PLB1: variants seen among roughly 807,000 people sequenced by gnomAD.
PLB1 encodes the protein phospholipase B1, membrane-associated.
PLB1 carries 242 observed loss-of-function variants against 227.4 expected under a neutral mutation model. That is an observed-to-expected ratio of 1.06 (90% CI 0.96 to 1.18). PLB1 has a LOEUF of 1.18. Among genes scored for constraint, PLB1 ranks in the 50% most tolerant of loss-of-function variants. The pLI is 0.00. For synonymous variants in PLB1, 757 were observed against 682.2 expected (o/e 1.11, Z -1.71); for missense variants, 1,858 against 1,816.3 (o/e 1.02, Z -0.42).
intron 50 of PLB1, 64 bp from the exon 51 acceptor site, chr2:28,626,364 C>G: frequency 7.0e-7 from 1 of 1,418,672 alleles, no homozygotes; most frequent in South Asian, 1.1e-5. Flanking sequence ...GCGGGCTGGC[C>G]CAGTAGCAAC....
chr2:28,630,726 G>A, intron 54 of PLB1, 62 bp downstream of exon 54: 1 of 1,399,920 alleles, frequency 7.1e-7, no homozygotes, highest in South Asian at 1.3e-5. Context: ...TCCAAGGACT[G>A]GGAAATCGAA....
rs182197511 is a variant in PLB1, at chr2:28,536,140, C to G, written c.556-2179C>G. On this transcript the variant is annotated intron_variant, in intron 9 of 57. Transcript: ENST00000327757. ...CCCAACTTAGGACCTGAATTCTCTT[C>G]CCCTGTGGAGACCTTTGGGCTCATT... Among the ~76,000 whole-genome samples, 167 of 152,314 alleles carry G rather than the reference C, an allele frequency of 1.1e-3. 1 individual carries two copies. The highest frequency in any genetic ancestry group is 3.8e-3 in the African/African-American group (158 of 41,558).
At chr2:28,607,250 T>G (rs1684814441) in intron 43 of PLB1, among the ~76,000 whole-genome samples, 1 of 152,166 alleles carries the variant, frequency 6.6e-6, no homozygotes, top group Admixed American at 6.5e-5. Flanking sequence ...CAGAAAACCC[T>G]CAGCAGCAAT....
intron 17 of PLB1, among the ~76,000 whole-genome samples, chr2:28,559,227 G>A (rs1484276253): frequency 6.6e-6 from 1 of 152,182 alleles, no homozygotes; most frequent in Non-Finnish European, 1.5e-5. Flanking sequence ...TACCCAGACT[G>A]GACTGGCAGC....
At chr2:28,532,905 A>G (rs1671210820) in intron 9 of PLB1, among the ~76,000 whole-genome samples, 1 of 152,162 alleles carries the variant, frequency 6.6e-6, no homozygotes, top group Non-Finnish European at 1.5e-5. Flanking sequence ...TTAAGTCTTT[A>G]TTGAAGATCA....
intron 6 of PLB1, among the ~76,000 whole-genome samples, chr2:28,528,585 G>T (rs1220010036): frequency 3.9e-5 from 6 of 152,330 alleles, no homozygotes; most frequent in African/African-American, 1.4e-4. Context: ...TGGTGTCCCA[G>T]AACTCTGGTT....
At chr2:28,627,644 G>T (rs563781807) in intron 51 of PLB1, among the ~76,000 whole-genome samples, 1 of 152,316 alleles carries the variant, frequency 6.6e-6, no homozygotes, top group South Asian at 2.1e-4. Flanking sequence ...TACCCCTTCT[G>T]GTGGCTGTGG....
intron 55 of PLB1, 31 bp downstream of exon 55, chr2:28,632,171 G>T (rs1167859222): frequency 6.5e-7 from 1 of 1,532,326 alleles, no homozygotes. Flanking sequence ...GGAGGCTCAC[G>T]TATGGGGGCC....
chr2:28,550,044 A>G lies in PLB1; in HGVS notation c.1043A>G (p.Asn348Ser), dbSNP rs1673969134. 3 of 1,613,558 alleles carry G rather than the reference A, an allele frequency of 1.9e-6. No individual in the cohort carries two copies. Among genetic ancestry groups the G allele is most frequent in the Non-Finnish European group, 2.5e-6 (3 of 1,179,646 alleles). Reference protein sequence around the residue: ...SPYLFSYRNSNYLTRLQKPQD... With the variant: ...SPYLFSYRNSSYLTRLQKPQD... ...TATCTGTTCAGCTACAGAAACAGCA[A>G]CTACCTGACCAGACTGCAGAAACCC... The change falls in exon 16 of 58, where the codon AAC (asparagine) becomes AGC (serine). Residue 348 changes from asparagine (N) to serine (S), a missense_variant. Asn to Ser is a conservative substitution (Grantham distance 46). Coordinates refer to ENST00000327757, the MANE Select transcript of PLB1 (RefSeq NM_153021.5).
chr2:28,570,932 G>A (rs917838888), intron 20 of PLB1, among the ~76,000 whole-genome samples: 2 of 152,184 alleles, frequency 1.3e-5, no homozygotes, highest in African/African-American at 4.8e-5. Flanking sequence ...GATATCAGGA[G>A]TAAGACAAGG....
At chr2:28,586,660 C>T (rs557374506) in intron 26 of PLB1, among the ~76,000 whole-genome samples, 1 of 152,148 alleles carries the variant, frequency 6.6e-6, no homozygotes, top group Non-Finnish European at 1.5e-5. Context: ...GGGAAATGAA[C>T]CTGTATTTAT....
Position 28,643,022 on chromosome 2 carries a change from G to C in PLB1, c.4338G>C (p.Arg1446Ser). ...GGAGGTGCAGGAGAGGTGGCCGGAGGGAAGATCCTCCAATGAGCCTGCGCA... is the reference window on the plus strand; with the variant it reads ...GGAGGTGCAGGAGAGGTGGCCGGAGCGAAGATCCTCCAATGAGCCTGCGCA... ...VVWRCRRGGR[R>S]EDPPMSLRTV... Residue 1446 changes from arginine (R) to serine (S), a missense_variant, in exon 58 of 58, where the codon AGG (arginine) becomes AGC (serine). By Grantham distance (110) the Arg-to-Ser change is moderately radical. Coordinates refer to ENST00000327757, the MANE Select transcript of PLB1 (RefSeq NM_153021.5). 3 of 1,610,388 alleles carry C rather than the reference G, an allele frequency of 1.9e-6. No individual in the cohort carries two copies. Among genetic ancestry groups the C allele is most frequent in the Non-Finnish European group, 2.5e-6 (3 of 1,178,656 alleles).
At chr2:28,549,904 G>T in intron 15 of PLB1, 106 bp from the exon 16 acceptor site, 1 of 870,594 alleles carries the variant, frequency 1.1e-6, no homozygotes, top group African/African-American at 1.7e-5. Flanking sequence ...GAAGCGTGAT[G>T]TGAATGTTCC....
At chr2:28,593,632 T>C (rs1682379246) in intron 32 of PLB1, 49 bp from the exon 33 acceptor site, 3 of 1,534,536 alleles carry the variant, frequency 2.0e-6, no homozygotes, top group Non-Finnish European at 2.7e-6. Flanking sequence ...ACAGCCTCCC[T>C]GTTCTCTGAC....
chr2:28,632,835 G>A, intron 55 of PLB1, 109 bp from the exon 56 acceptor site: 1 of 731,184 alleles, frequency 1.4e-6, no homozygotes. Flanking sequence ...TGGCAGGAAA[G>A]TTGAAAGAAT....
At chr2:28,605,386 C>G (rs1684524382) in intron 41 of PLB1, among the ~76,000 whole-genome samples, 1 of 152,158 alleles carries the variant, frequency 6.6e-6, no homozygotes. Flanking sequence ...CCAGCACCTC[C>G]AGATGAAGAG....
chr2:28,640,153 C>T (rs1689806804), intron 56 of PLB1, among the ~76,000 whole-genome samples: 1 of 152,176 alleles, frequency 6.6e-6, no homozygotes, highest in Non-Finnish European at 1.5e-5. Context: ...ACCCTGTGGT[C>T]AGGAGCAGGC....
chr2:28,544,480 C>A (rs1672943892), intron 14 of PLB1, among the ~76,000 whole-genome samples: 1 of 152,178 alleles, frequency 6.6e-6, no homozygotes, highest in South Asian at 2.1e-4. Flanking sequence ...TTGAAGGTAC[C>A]ACCATACCAC....
At chr2:28,575,100 C>T (rs6708798) in intron 21 of PLB1, among the ~76,000 whole-genome samples, 73,947 of 152,094 alleles carry the variant, frequency 0.49, 20,912 homozygotes, top group Non-Finnish European at 0.65. Flanking sequence ...CACTGTTTTC[C>T]ATGGCGGTTG....
Sources: allele counts gnomAD v4.1 joint callset (sites outside exome capture counted in the v4.1 genomes callset), GRCh38; gene constraint gnomAD v4.1.1; transcripts MANE v1.5; gene names NCBI Gene and HGNC (gene_info 2026-07-23, HGNC 2026-07-21).